The following STK4 variants were observed in gnomAD, a reference collection of about 807,000 sequenced individuals.
STK4 encodes the protein serine/threonine kinase 4.
STK4 carries 30 observed loss-of-function variants against 64.9 expected under a neutral mutation model. The ratio of observed to expected loss-of-function variants is 0.46; its 90% CI spans 0.35 to 0.63. The LOEUF (loss-of-function observed/expected upper bound fraction) is 0.63. Ranked by LOEUF, STK4 falls within the 20% of genes least tolerant of loss-of-function variation. The probability of loss-of-function intolerance (pLI) is 0.01; values close to 1 mark genes in which losing one functional copy is unlikely to be tolerated. For missense variants in STK4, 466 were observed against 598.5 expected (o/e 0.78, Z 2.31); for synonymous variants, 177 against 199.0 (o/e 0.89, Z 0.93).
chr20:45,014,524 T>C (rs1288201782), intron 9 of STK4, among the ~76,000 whole-genome samples: 2 of 152,134 alleles, frequency 1.3e-5, no homozygotes, highest in Non-Finnish European at 2.9e-5. Flanking sequence ...AAAAAGTATA[T>C]ATTTGAAAGC....
chr20:45,042,919 GT>G (rs1304335753), intron 10 of STK4, among the ~76,000 whole-genome samples: 1 of 149,420 alleles, frequency 6.7e-6, no homozygotes, highest in East Asian at 1.9e-4. Flanking sequence ...TGTGTGCCAT[GT>G]TGGTTTATGG....
chr20:45,029,669 G>C (rs566650092), intron 10 of STK4, among the ~76,000 whole-genome samples: 45 of 152,266 alleles, frequency 3.0e-4, no homozygotes, highest in African/African-American at 1.0e-3. Context: ...CTGTTAGAAA[G>C]GCAGTTATTC....
At chr20:45,064,513 T>TG (rs1194335340) in intron 10 of STK4, among the ~76,000 whole-genome samples, 2 of 152,222 alleles carry the variant, frequency 1.3e-5, no homozygotes, top group Non-Finnish European at 2.9e-5. Flanking sequence ...ATCTGTAAAT[T>TG]GCTTTGGGCA....
intron 10 of STK4, among the ~76,000 whole-genome samples, chr20:45,067,136 G>A (rs776216244): frequency 2.6e-5 from 4 of 151,888 alleles, no homozygotes; most frequent in Admixed American, 6.6e-5. Flanking sequence ...GCACTTTTCC[G>A]GACTTTCTAG....
intron 4 of STK4, among the ~76,000 whole-genome samples, chr20:44,986,316 G>C (rs1601204368): frequency 6.6e-6 from 1 of 152,174 alleles, no homozygotes; most frequent in South Asian, 2.1e-4. Flanking sequence ...AACTGAGGAA[G>C]CATACTGGAT....
chr20:45,059,769 C>A (rs1274304780), intron 10 of STK4, among the ~76,000 whole-genome samples: 1 of 152,090 alleles, frequency 6.6e-6, no homozygotes, highest in Non-Finnish European at 1.5e-5. Flanking sequence ...GCAACCAGGA[C>A]TAGAGAATTT....
In STK4 at chr20:44,978,439, A is replaced by G. The variant is rs765898656; in HGVS notation, c.117-4A>G. 8.7e-6 allele frequency: 14 copies of G among 1,609,314 alleles called. No homozygotes were observed. Among genetic ancestry groups the G allele is most frequent in the African/African-American group, 2.7e-5 (2 of 74,546 alleles). ...TAAATGTTCTTCTTCTCCCAAATGT[A>G]TAGGTCCTATGGCAGCGTATACAAA... On this transcript the variant is annotated splice_region_variant and splice_polypyrimidine_tract_variant and intron_variant, in intron 2 of 10. Transcript: ENST00000372806.
intron 7 of STK4, among the ~76,000 whole-genome samples, chr20:44,999,272 T>C (rs1229077716): frequency 6.6e-6 from 1 of 152,198 alleles, no homozygotes; most frequent in Non-Finnish European, 1.5e-5. Flanking sequence ...TTATTGCAAA[T>C]GAGCTGGGTC....
intron 7 of STK4, among the ~76,000 whole-genome samples, chr20:44,998,008 T>A (rs2067766734): frequency 6.6e-6 from 1 of 152,164 alleles, no homozygotes; most frequent in Non-Finnish European, 1.5e-5. Flanking sequence ...GCACAGTCAG[T>A]ATTAGAACTT....
chr20:44,986,986 G>A (rs1416333285), intron 4 of STK4, 146 bp from the exon 5 acceptor site: 5 of 590,962 alleles, frequency 8.5e-6, no homozygotes, highest in African/African-American at 1.9e-5. Flanking sequence ...AGTGGTCAGT[G>A]TATCTATGGT....
At chr20:45,068,492 C>T (rs928672619) in intron 10 of STK4, among the ~76,000 whole-genome samples, 2 of 152,230 alleles carry the variant, frequency 1.3e-5, no homozygotes, top group South Asian at 2.1e-4. Flanking sequence ...GATGAGAAAA[C>T]GGAATCTCAG....
chr20:45,015,739 C>G (rs1161525673), intron 9 of STK4, among the ~76,000 whole-genome samples: 1 of 152,170 alleles, frequency 6.6e-6, no homozygotes, highest in East Asian at 1.9e-4. Flanking sequence ...CAGGTTCTTT[C>G]TTTTTTGATC....
rs1270452289 is a variant in STK4, at chr20:45,078,661, ATGGATGAG to A, written c.*3499_*3506del. The A allele has an allele frequency of 6.6e-6, 1 of 151,586 alleles. No individual in the cohort carries two copies. The highest frequency in any genetic ancestry group is 1.5e-5 in the Non-Finnish European group (1 of 67,956). The allele number at this position is 151,586 out of a possible 1,614,324, so 9.4% of individuals were successfully genotyped here. A position where few individuals can be genotyped will look rare whatever the true frequency, so the allele number is the denominator to read the frequency against. ...GGGAAGAGGAAGGGTAGGAGGATGC[ATGGATGAG>A]TGGATGAGTGGATCGATGGATGTAT... On this transcript the variant is annotated 3_prime_UTR_variant, in exon 11 of 11. Coordinates refer to ENST00000372806, the MANE Select transcript of STK4 (RefSeq NM_006282.5).
chr20:45,045,838 G>T (rs1049134011), intron 10 of STK4, among the ~76,000 whole-genome samples: 1 of 151,500 alleles, frequency 6.6e-6, no homozygotes, highest in African/African-American at 2.4e-5. Context: ...AAGGAGTCTC[G>T]CTCTGTCGCC....
chr20:45,024,348 A>G (rs982787530), intron 9 of STK4, among the ~76,000 whole-genome samples: 1 of 151,854 alleles, frequency 6.6e-6, no homozygotes, highest in Non-Finnish European at 1.5e-5. Flanking sequence ...AGTCAAAATC[A>G]TACTGTATAT....
In STK4 at chr20:44,997,276, G is replaced by T; in HGVS notation, c.801G>T (p.Glu267Asp). Residue 267 changes from glutamate to aspartate, a missense_variant, in exon 7 of 11, where the codon GAG becomes GAT. Glu to Asp is a conservative substitution (Grantham distance 45). This residue lies in a region of STK4 where 276 missense variants were observed against 308.9 expected (regional missense o/e 0.89). Transcript: ENST00000372806. The part of the protein sequence containing the change: ...FVKQCLVKSP[E>D]QRATATQLLQ... ...AACAGTGTCTTGTAAAGAGCCCTGAGCAGAGGGCCACAGCCACTCAGCTCC... is the reference window on the plus strand; with the variant it reads ...AACAGTGTCTTGTAAAGAGCCCTGATCAGAGGGCCACAGCCACTCAGCTCC... The T allele has an allele frequency of 6.2e-7, 1 of 1,610,998 alleles. No individual in the cohort carries two copies. Among genetic ancestry groups the T allele is most frequent in the Middle Eastern group, 1.7e-4 (1 of 6,032 alleles).
At chr20:44,997,096 C>T in intron 6 of STK4, 73 bp from the exon 7 acceptor site, 1 of 1,591,852 alleles carries the variant, frequency 6.3e-7, no homozygotes, top group African/African-American at 1.3e-5. Context: ...AAATGTAATT[C>T]CACATGTATT....
chr20:45,053,701 G>A (rs910392419), intron 10 of STK4, among the ~76,000 whole-genome samples: 3 of 152,108 alleles, frequency 2.0e-5, no homozygotes, highest in Non-Finnish European at 2.9e-5. Flanking sequence ...TTCCAACACT[G>A]TATCAGAGAA....
At chr20:45,071,226 C>T (rs1344308787) in intron 10 of STK4, among the ~76,000 whole-genome samples, 1 of 152,092 alleles carries the variant, frequency 6.6e-6, no homozygotes, top group Admixed American at 6.5e-5. Context: ...TCCCATACCT[C>T]GTGAAAACAG....
Sources: gnomAD v4.1 joint callset for allele counts (sites outside exome capture counted in the v4.1 genomes callset) on GRCh38, gnomAD v4.1.1 for gene constraint, gnomAD v4.1.1 regional missense constraint, MANE v1.5 for transcripts, NCBI Gene and HGNC (gene_info 2026-07-23, HGNC 2026-07-21) for gene names.